Variants in LRP1B observed in about 807,000 individuals in gnomAD.
The protein encoded by LRP1B is low-density lipoprotein receptor-related protein 1B.
A neutral mutation model predicts 556.6 loss-of-function variants in LRP1B; 217 were observed. That is an observed-to-expected ratio of 0.39 (90% CI 0.35 to 0.44). The LOEUF (loss-of-function observed/expected upper bound fraction) is 0.44. Among genes scored for constraint, LRP1B ranks in the 20% least tolerant of loss-of-function variants. The pLI is 1.00. For missense variants in LRP1B, 5,053 were observed against 5,620.8 expected (o/e 0.90, Z 3.23); for synonymous variants, 2,047 against 1,865.8 (o/e 1.10, Z -2.50).
At chr2:141,281,265 T>C (rs1685499013) in intron 3 of LRP1B, among the ~76,000 whole-genome samples, 1 of 152,042 alleles carries the variant, frequency 6.6e-6, no homozygotes, top group Non-Finnish European at 1.5e-5. Context: ...TTAGTATGTC[T>C]TTTTATTAGT....
intron 2 of LRP1B, among the ~76,000 whole-genome samples, chr2:141,489,393 T>C (rs974812636): frequency 2.0e-5 from 3 of 151,954 alleles, no homozygotes; most frequent in Non-Finnish European, 2.9e-5. Flanking sequence ...GTAATTTTTA[T>C]GTAGTTATTA....
chr2:140,751,907 C>A (rs767893372), intron 35 of LRP1B, among the ~76,000 whole-genome samples: 1 of 152,010 alleles, frequency 6.6e-6, no homozygotes, highest in Admixed American at 6.6e-5. Flanking sequence ...GAGAAAAAAA[C>A]GAATACCCAT....
chr2:141,948,712 TAC>T (rs1367328370), intron 1 of LRP1B, among the ~76,000 whole-genome samples: 2 of 152,112 alleles, frequency 1.3e-5, no homozygotes, highest in East Asian at 1.9e-4. Context: ...TAGTTATAAA[TAC>T]AGTTGTCAAG....
At chr2:140,937,912 A>AT (rs112320532) in intron 20 of LRP1B, among the ~76,000 whole-genome samples, 18,204 of 145,676 alleles carry the variant, frequency 0.12, 1,192 homozygotes, top group Middle Eastern at 0.18. Context: ...TTGGTAGGAC[A>AT]TTTTTTTTTT....
chr2:140,705,642 C>T (rs951397364), intron 37 of LRP1B, among the ~76,000 whole-genome samples: 3 of 150,620 alleles, frequency 2.0e-5, no homozygotes, highest in South Asian at 4.2e-4. Flanking sequence ...CAAGTAACCC[C>T]TATTCATTTT....
At chr2:141,132,908 ATAAGG>A (rs1378968287) in intron 7 of LRP1B, among the ~76,000 whole-genome samples, 1 of 152,078 alleles carries the variant, frequency 6.6e-6, no homozygotes, top group Non-Finnish European at 1.5e-5. Context: ...CTATTCAAAT[ATAAGG>A]TATTATTTCT....
chr2:140,776,089 G>T lies in LRP1B; in HGVS notation c.5500+9C>A. On this transcript the variant is annotated intron_variant, in intron 33 of 90. Coordinates refer to ENST00000389484, the MANE Select transcript of LRP1B (RefSeq NM_018557.3). ...CAAGACCTGGCACAAATTCATTAGT[G>T]TGATTTACCTTGCTGTGCTTCTTTA... 1 of 1,548,222 alleles carries T rather than the reference G, an allele frequency of 6.5e-7. No homozygotes were observed. Among genetic ancestry groups the T allele is most frequent in the East Asian group, 2.5e-5 (1 of 40,314 alleles).
intron 90 of LRP1B, among the ~76,000 whole-genome samples, chr2:140,233,923 G>T (rs1451002447): frequency 6.6e-6 from 1 of 151,272 alleles, no homozygotes; most frequent in East Asian, 2.0e-4. Context: ...GTCATCTTAA[G>T]TTTCACAAAC....
chr2:141,427,473 C>G (rs1206875551), intron 3 of LRP1B, among the ~76,000 whole-genome samples: 1 of 152,128 alleles, frequency 6.6e-6, no homozygotes, highest in Admixed American at 6.5e-5. Context: ...TCAAAGTTTA[C>G]AGCAAAATTG....
intron 7 of LRP1B, among the ~76,000 whole-genome samples, chr2:141,134,094 C>T (rs1398840670): frequency 6.6e-6 from 1 of 151,800 alleles, no homozygotes; most frequent in Admixed American, 6.6e-5. Flanking sequence ...ATTCCCCTAC[C>T]CGCCACCGCC....
At chr2:141,675,587 T>G (rs1243207578) in intron 2 of LRP1B, among the ~76,000 whole-genome samples, 2 of 151,728 alleles carry the variant, frequency 1.3e-5, no homozygotes, top group Admixed American at 6.6e-5. Context: ...TTTTGTAAGG[T>G]TTAAATGAGT....
intron 1 of LRP1B, among the ~76,000 whole-genome samples, chr2:142,070,657 C>T (rs1180320495): frequency 6.6e-6 from 1 of 151,616 alleles, no homozygotes; most frequent in Non-Finnish European, 1.5e-5. Flanking sequence ...TAAAAGGGAA[C>T]ATTTAATCCC....
chr2:141,608,333 T>C (rs188275747), intron 2 of LRP1B, among the ~76,000 whole-genome samples: 2 of 152,244 alleles, frequency 1.3e-5, no homozygotes, highest in Admixed American at 1.3e-4. Context: ...AGAGCATATA[T>C]GTCTGCTCCA....
chr2:140,246,195 T>C (rs1266224972), intron 87 of LRP1B, among the ~76,000 whole-genome samples: 2 of 151,316 alleles, frequency 1.3e-5, no homozygotes, highest in Non-Finnish European at 3.0e-5. Flanking sequence ...TCTGAAACAC[T>C]ATGCTTTTTG....
In LRP1B at chr2:141,461,164, T is replaced by G. The variant is rs141145723; in HGVS notation, c.343+19232A>C. On this transcript the variant is annotated intron_variant, in intron 3 of 90. Coordinates refer to ENST00000389484, the MANE Select transcript of LRP1B (RefSeq NM_018557.3). Reference sequence around the variant, plus strand: ...AGGACAGAGCCTGCATAAGGGGAAATGGGAAAAGTGAAGGAGACTCAAAAG... The same window carrying G: ...AGGACAGAGCCTGCATAAGGGGAAAGGGGAAAAGTGAAGGAGACTCAAAAG... 7.1e-3 allele frequency among the ~76,000 whole-genome samples: 1,076 copies of G among 151,722 alleles called. 12 individuals carry two copies. Among genetic ancestry groups the G allele is most frequent in the African/African-American group, 0.024 (999 of 41,348 alleles).
intron 7 of LRP1B, among the ~76,000 whole-genome samples, chr2:141,112,071 T>TAATAAATAAATAAATAAATAAATAATA (rs1700769936): frequency 7.5e-4 from 109 of 145,816 alleles, no homozygotes; most frequent in African/African-American, 2.7e-3. Context: ...AATAAATAAA[T>TAATAAATAAATAAATAAATAAATAATA]AATAAATAAA....
chr2:141,529,549 C>A (rs1684801097), intron 2 of LRP1B, among the ~76,000 whole-genome samples: 1 of 152,092 alleles, frequency 6.6e-6, no homozygotes, highest in Non-Finnish European at 1.5e-5. Context: ...TGAGATAATT[C>A]TTATTCTATC....
chr2:140,910,586 C>G (rs1694390916), intron 21 of LRP1B, among the ~76,000 whole-genome samples: 1 of 151,504 alleles, frequency 6.6e-6, no homozygotes, highest in Admixed American at 6.6e-5. Flanking sequence ...CATTATATGA[C>G]AAAAAGCATA....
At chr2:141,468,614 A>C (rs1457253267) in intron 3 of LRP1B, among the ~76,000 whole-genome samples, 1 of 152,184 alleles carries the variant, frequency 6.6e-6, no homozygotes, top group Non-Finnish European at 1.5e-5. Flanking sequence ...ATTTCTCTCC[A>C]AACTTCTTTG....
Sources: gnomAD v4.1 joint callset for allele counts (sites outside exome capture counted in the v4.1 genomes callset) on GRCh38, gnomAD v4.1.1 for gene constraint, MANE v1.5 for transcripts, NCBI Gene and HGNC (gene_info 2026-07-23, HGNC 2026-07-21) for gene names.